ALDH1L1: variants seen among roughly 807,000 people sequenced by gnomAD.
The protein encoded by ALDH1L1 is aldehyde dehydrogenase 1 family member L1, also known as cytosolic 10-formyltetrahydrofolate dehydrogenase.
ALDH1L1 carries 68 observed loss-of-function variants against 101.1 expected under a neutral mutation model. That is an observed-to-expected ratio of 0.67 (90% confidence interval 0.55 to 0.82). The LOEUF (loss-of-function observed/expected upper bound fraction) is 0.82. ALDH1L1 is among the 40% of genes least tolerant of loss of function. The pLI, the probability that ALDH1L1 is intolerant of heterozygous loss-of-function variation, is 0.00. For missense variants in ALDH1L1, 1,087 were observed against 1,172.7 expected, an observed-to-expected ratio of 0.93 and a Z score of 1.07; for synonymous variants, 486 against 470.8, an observed-to-expected ratio of 1.03 and a Z score of -0.42.
At chr3:126,135,873 C>G (rs997000993) in intron 11 of ALDH1L1, among the ~76,000 whole-genome samples, 2 of 152,212 alleles carry the variant, frequency 1.3e-5, no homozygotes, top group African/African-American at 4.8e-5. Context: ...GTTTGTGTGT[C>G]TACACCCCAA....
intron 9 of ALDH1L1, among the ~76,000 whole-genome samples, chr3:126,144,141 A>C (rs2080624476): frequency 6.6e-6 from 1 of 152,198 alleles, no homozygotes; most frequent in South Asian, 2.1e-4. Flanking sequence ...ATAAAATAAG[A>C]ATAAATTTAA....
At chr3:126,115,279 A>G (rs578262599) in intron 17 of ALDH1L1, 4 of 355,452 alleles carry the variant, frequency 1.1e-5, no homozygotes, top group South Asian at 8.3e-5. Context: ...AATGCACTGC[A>G]GGGATGCTGT....
intron 9 of ALDH1L1, among the ~76,000 whole-genome samples, chr3:126,141,773 C>A (rs2080573347): frequency 6.6e-6 from 1 of 151,780 alleles, no homozygotes; most frequent in South Asian, 2.1e-4. Context: ...AATCAGTAAC[C>A]TACACTGTAC....
intron 12 of ALDH1L1, among the ~76,000 whole-genome samples, chr3:126,133,201 C>A (rs1245563023): frequency 2.0e-5 from 3 of 152,208 alleles, no homozygotes; most frequent in African/African-American, 7.2e-5. Context: ...GCTTTGCATA[C>A]CCAGAGGAAC....
At chr3:126,105,611 A>G (rs1188605402) in intron 22 of ALDH1L1, 115 bp downstream of exon 22, 7 of 1,215,386 alleles carry the variant, frequency 5.8e-6, no homozygotes, top group Non-Finnish European at 7.3e-6. Flanking sequence ...CCTGACAGCC[A>G]TCATGTTCAA....
chr3:126,158,188 T>A (rs1868138), intron 3 of ALDH1L1, among the ~76,000 whole-genome samples: 39,828 of 151,876 alleles, frequency 0.26, 5,524 homozygotes, highest in African/African-American at 0.37. Context: ...GAATGCAGAG[T>A]GCTTAGCAAC....
intron 1 of ALDH1L1, among the ~76,000 whole-genome samples, chr3:126,192,900 G>A (rs2081560812): frequency 6.6e-6 from 1 of 152,198 alleles, no homozygotes; most frequent in African/African-American, 2.4e-5. Context: ...CTCAGGGTCA[G>A]AACAAATTTA....
chr3:126,124,190 C>A lies in ALDH1L1; in HGVS notation c.1888+174G>T, dbSNP rs575811063. Among the ~76,000 whole-genome samples, 3 of 152,224 alleles carry A rather than the reference C, an allele frequency of 2.0e-5. No homozygotes were observed. The East Asian group carries it at 5.8e-4, about 29-fold the overall frequency. The stretch of plus-strand genomic sequence containing the variant: ...GGGGCATCTGAAGACGAAAGCCCTT[C>A]CAGGTGCAGGTGCTCTCCCCCATGG... On this transcript the variant is annotated intron_variant, in intron 16 of 22. Transcript: ENST00000393434.
At chr3:126,108,255 C>T (rs556712101) in intron 20 of ALDH1L1, among the ~76,000 whole-genome samples, 1 of 152,326 alleles carries the variant, frequency 6.6e-6, no homozygotes, top group South Asian at 2.1e-4. Flanking sequence ...CCCCTCTAGA[C>T]CCTGAGAGCT....
chr3:126,124,421 C>T lies in ALDH1L1; in HGVS notation c.1831G>A (p.Glu611Lys), dbSNP rs1047180666. Residue 611 changes from glutamate (E) to lysine (K), a missense_variant, in exon 16 of 23, where the codon GAG becomes AAG. Glu to Lys is a moderately conservative substitution (Grantham distance 56). Coordinates refer to ENST00000393434, the MANE Select transcript of ALDH1L1 (RefSeq NM_012190.4). The part of the protein sequence containing the change: ...VTPLTALKFA[E>K]LTLKAGIPKG... ...GGAATGCCGGCCTTTAATGTCAGCT[C>T]TGCAAACTTCAAGGCTGTGAGTGGG... is the stretch of plus-strand genomic sequence containing the variant. 3.1e-6 allele frequency: 5 copies of T among 1,612,398 alleles called. No individual in the cohort carries two copies. The highest frequency in any genetic ancestry group is 1.3e-5 in the African/African-American group (1 of 74,838).
chr3:126,181,155 C>T, upstream of ALDH1L1: 2 of 717,686 alleles, frequency 2.8e-6, no homozygotes, highest in South Asian at 1.7e-5. Flanking sequence ...CTTCTCCACT[C>T]TCTCCCTTCT....
intron 10 of ALDH1L1, among the ~76,000 whole-genome samples, chr3:126,137,367 A>G (rs1361227762): frequency 6.6e-6 from 1 of 152,148 alleles, no homozygotes; most frequent in African/African-American, 2.4e-5. Flanking sequence ...GTTCCAATCT[A>G]CCAGCCAAAC....
At chr3:126,179,471 G>A (rs2081428834) in intron 1 of ALDH1L1, among the ~76,000 whole-genome samples, 1 of 151,774 alleles carries the variant, frequency 6.6e-6, no homozygotes. Flanking sequence ...CTGCACTCCA[G>A]CCTGGGCGAC....
chr3:126,153,611 T>C, intron 6 of ALDH1L1, 30 bp from the exon 7 acceptor site: 1 of 1,599,376 alleles, frequency 6.3e-7, no homozygotes, highest in Non-Finnish European at 8.5e-7. Flanking sequence ...CAGAAGATGG[T>C]GGGTGAGAAG....
At chr3:126,192,394 C>A (rs889926677) in intron 1 of ALDH1L1, among the ~76,000 whole-genome samples, 2 of 152,150 alleles carry the variant, frequency 1.3e-5, no homozygotes, top group Admixed American at 1.3e-4. Flanking sequence ...TTTATAGGTA[C>A]CATACTTTTA....
chr3:126,164,088 A>T (rs1451622996), intron 1 of ALDH1L1, among the ~76,000 whole-genome samples: 1 of 151,856 alleles, frequency 6.6e-6, no homozygotes, highest in Non-Finnish European at 1.5e-5. Flanking sequence ...CTGAGACCCT[A>T]CCACTGCACT....
At position 126,146,895 on chromosome 3, in the gene ALDH1L1, A is replaced by C; in HGVS notation, c.1016T>G (p.Leu339Arg). The change falls in exon 9 of 23, where the codon CTG becomes CGG. Residue 339 changes from leucine to arginine, a missense_variant. By Grantham distance (102) the Leu-to-Arg change is moderately radical. Around this residue, in one of 2 missense-constraint regions of ALDH1L1, gnomAD observed 645 missense variants for 637.0 expected, o/e 1.01. Transcript: ENST00000393434. ...GAAATCAGTGGAGTCTTCAACCTCC[A>C]GGACTTTGGGGAGGATCCGCTGCCA... ...SVWQRILPKV[L>R]EVEDSTDFFK... 1 of 1,614,120 alleles carries C rather than the reference A, an allele frequency of 6.2e-7. No individual in the cohort carries two copies. The highest frequency in any genetic ancestry group is 8.5e-7 in the Non-Finnish European group (1 of 1,180,010).
chr3:126,138,879 A>G (rs950116099), intron 9 of ALDH1L1, among the ~76,000 whole-genome samples: 2 of 152,254 alleles, frequency 1.3e-5, no homozygotes, highest in Non-Finnish European at 2.9e-5. Context: ...CATGAATCAA[A>G]TATGTTGGAA....
At chr3:126,178,528 T>C (rs2081408690) in intron 1 of ALDH1L1, among the ~76,000 whole-genome samples, 1 of 151,880 alleles carries the variant, frequency 6.6e-6, no homozygotes, top group Admixed American at 6.6e-5. Flanking sequence ...GCTCTAAAAA[T>C]GTCTACTAAT....
Sources: allele counts gnomAD v4.1 joint callset (sites outside exome capture counted in the v4.1 genomes callset), GRCh38; gene constraint gnomAD v4.1.1; regional missense constraint gnomAD v4.1.1; transcripts MANE v1.5; gene names NCBI Gene and HGNC (gene_info 2026-07-23, HGNC 2026-07-21).